Variants in YTHDC2 observed in about 807,000 individuals in gnomAD.
YTHDC2 encodes the protein 3'-5' RNA helicase YTHDC2.
In YTHDC2, 45 loss-of-function variants were observed where a neutral mutation model predicts 174.9. That is an observed-to-expected ratio of 0.26 (90% confidence interval 0.20 to 0.33). YTHDC2 has a LOEUF of 0.33. YTHDC2 is among the 10% of genes least tolerant of loss of function. The pLI is 1.00. For synonymous variants in YTHDC2, 657 were observed against 574.5 expected, an observed-to-expected ratio of 1.14 and a Z score of -2.05; for missense variants, 1,650 against 1,723.7, an observed-to-expected ratio of 0.96 and a Z score of 0.76.
intron 8 of YTHDC2, among the ~76,000 whole-genome samples, chr5:113,540,406 C>T (rs752511268): frequency 1.8e-4 from 28 of 152,042 alleles, no homozygotes; most frequent in Non-Finnish European, 3.2e-4. Context: ...ATGTATTAGC[C>T]CATTTTCACA....
chr5:113,561,807 T>C (rs924996718), intron 18 of YTHDC2, among the ~76,000 whole-genome samples: 1 of 152,068 alleles, frequency 6.6e-6, no homozygotes, highest in Non-Finnish European at 1.5e-5. Context: ...TTCAACTATA[T>C]AGTGTTCACC....
intron 4 of YTHDC2, among the ~76,000 whole-genome samples, chr5:113,532,243 A>G (rs1007891377): frequency 2.0e-5 from 3 of 152,202 alleles, no homozygotes; most frequent in African/African-American, 7.2e-5. Flanking sequence ...AATCATGCTT[A>G]TATACACAAA....
chr5:113,545,775 C>G, intron 10 of YTHDC2, among the ~76,000 whole-genome samples: 1 of 36,650 alleles, frequency 2.7e-5, no homozygotes, highest in South Asian at 7.0e-4. Context: ...GAGTCTCGCT[C>G]TGTTGCCCAG....
At chr5:113,578,762 T>G (rs1417885189) in intron 23 of YTHDC2, among the ~76,000 whole-genome samples, 1 of 152,156 alleles carries the variant, frequency 6.6e-6, no homozygotes, top group Non-Finnish European at 1.5e-5. Context: ...ATTGAGAGAC[T>G]TGGTATTCTG....
intron 20 of YTHDC2, 75 bp from the exon 21 acceptor site, chr5:113,565,817 AT>A (rs1254115775): frequency 1.3e-5 from 19 of 1,473,972 alleles, no homozygotes; most frequent in Non-Finnish European, 1.5e-5. Flanking sequence ...TCGTGTAGTG[AT>A]TTGTAGTTAC....
chr5:113,547,517 A>G (rs1325670591), intron 10 of YTHDC2, among the ~76,000 whole-genome samples: 1 of 152,196 alleles, frequency 6.6e-6, no homozygotes, highest in African/African-American at 2.4e-5. Context: ...GTGTCAGTGC[A>G]AGTTCATCAG....
chr5:113,556,081 A>G lies in YTHDC2; in HGVS notation c.2163A>G (p.Thr721=). Residue 721 remains threonine (T), a synonymous_variant, in exon 17 of 30, where the codon ACA becomes ACG. Coordinates refer to ENST00000161863, the MANE Select transcript of YTHDC2 (RefSeq NM_022828.5). ...CCTTTGATGCTCTGAATTTTGTTAC[A>G]ATGTTAAAAATGGTATGGATTTCCA... ...EKSFDALNFV[T]MLKMVWISKA... is the part of the protein sequence containing the mutation. 2 of 1,608,580 alleles carry G rather than the reference A, an allele frequency of 1.2e-6. No individual in the cohort carries two copies. The highest frequency in any genetic ancestry group is 8.5e-7 in the Non-Finnish European group (1 of 1,175,952).
intron 24 of YTHDC2, among the ~76,000 whole-genome samples, chr5:113,580,729 C>A (rs1778350229): frequency 6.6e-6 from 1 of 152,184 alleles, no homozygotes; most frequent in African/African-American, 2.4e-5. Context: ...TATTATTTAT[C>A]ACTATTGTCC....
At chr5:113,549,441 C>T (rs1776103107) in intron 12 of YTHDC2, among the ~76,000 whole-genome samples, 1 of 152,138 alleles carries the variant, frequency 6.6e-6, no homozygotes, top group South Asian at 2.1e-4. Context: ...AGAAAACTCA[C>T]AGTGCCAATG....
intron 21 of YTHDC2, among the ~76,000 whole-genome samples, 176 bp downstream of exon 21, chr5:113,566,195 G>T (rs997887269): frequency 1.3e-5 from 2 of 152,058 alleles, no homozygotes; most frequent in African/African-American, 2.4e-5. Context: ...TTTGCTTGTT[G>T]ATGAAAAAAT....
At chr5:113,552,592 C>CT (rs1776322309) in intron 12 of YTHDC2, among the ~76,000 whole-genome samples, 1 of 152,016 alleles carries the variant, frequency 6.6e-6, no homozygotes, top group African/African-American at 2.4e-5. Context: ...TTTCCACTTT[C>CT]TGACTATGAA....
chr5:113,573,714 A>G (rs1012805768), intron 23 of YTHDC2, among the ~76,000 whole-genome samples: 2 of 152,146 alleles, frequency 1.3e-5, no homozygotes, highest in Non-Finnish European at 2.9e-5. Context: ...TATGTCAGAA[A>G]GACGGTCTTC....
chr5:113,525,832 A>T (rs937691313), intron 3 of YTHDC2, among the ~76,000 whole-genome samples: 1 of 152,164 alleles, frequency 6.6e-6, no homozygotes, highest in African/African-American at 2.4e-5. Context: ...CATAGTTATT[A>T]TTGTCTATTG....
At chr5:113,518,003 C>A (rs2112517971) in intron 2 of YTHDC2, among the ~76,000 whole-genome samples, 1 of 152,022 alleles carries the variant, frequency 6.6e-6, no homozygotes, top group East Asian at 1.9e-4. Flanking sequence ...ATTCTCCTGC[C>A]TCAGCCTCCC....
Position 113,567,271 on chromosome 5 carries a change from G to C in YTHDC2, c.3022G>C (p.Val1008Leu). ...AAAAGTACGATTTCATCCTGCTTCA[G>C]TTCTCAGTCAGCCTCAATATAAAAA... is the stretch of plus-strand genomic sequence containing the variant. Reference protein sequence around the residue: ...EKKVRFHPASVLSQPQYKKIP... With the variant: ...EKKVRFHPASLLSQPQYKKIP... The change falls in exon 22 of 30, where the codon GTT (valine) becomes CTT (leucine). Residue 1008 changes from valine (V) to leucine (L), a missense_variant. By Grantham distance (32) the Val-to-Leu change is conservative (BLOSUM62 1). This residue lies in a region of YTHDC2 where 913 missense variants were observed against 940.4 expected (regional missense o/e 0.97). Transcript: ENST00000161863. 1 of 1,612,498 alleles carries C rather than the reference G, an allele frequency of 6.2e-7. No homozygotes were observed. The highest frequency in any genetic ancestry group is 2.2e-5 in the East Asian group (1 of 44,814).
intron 2 of YTHDC2, among the ~76,000 whole-genome samples, chr5:113,522,691 T>G (rs2112539542): frequency 6.6e-6 from 1 of 152,300 alleles, no homozygotes; most frequent in South Asian, 2.1e-4. Flanking sequence ...CTCAATTTGT[T>G]AGTTTACGTA....
chr5:113,588,692 G>A (rs1778825270), intron 26 of YTHDC2, among the ~76,000 whole-genome samples: 2 of 151,382 alleles, frequency 1.3e-5, no homozygotes, highest in Admixed American at 6.6e-5. Context: ...GCGCGATCTC[G>A]GCTCACTACA....
intron 10 of YTHDC2, among the ~76,000 whole-genome samples, chr5:113,544,000 G>A (rs1480376755): frequency 6.6e-6 from 1 of 151,918 alleles, no homozygotes. Flanking sequence ...TTCATTACCT[G>A]TCATGTATTT....
intron 3 of YTHDC2, among the ~76,000 whole-genome samples, 175 bp downstream of exon 3, chr5:113,525,352 T>C (rs1329543195): frequency 3.3e-5 from 5 of 152,086 alleles, no homozygotes; most frequent in Non-Finnish European, 5.9e-5. Context: ...TTAAAGCATG[T>C]CATTAAGTTG....
Sources: gnomAD v4.1 joint callset for allele counts (sites outside exome capture counted in the v4.1 genomes callset) on GRCh38, gnomAD v4.1.1 for gene constraint, gnomAD v4.1.1 regional missense constraint, MANE v1.5 for transcripts, NCBI Gene and HGNC (gene_info 2026-07-23, HGNC 2026-07-21) for gene names.